OPA1: variants seen among roughly 807,000 people sequenced by gnomAD.
The protein encoded by OPA1 is dynamin-like GTPase OPA1, mitochondrial.
OPA1 carries 59 observed loss-of-function variants against 152.9 expected under a neutral mutation model. The ratio of observed to expected loss-of-function variants is 0.39; its 90% CI spans 0.31 to 0.48. The LOEUF is 0.48. Ranked by LOEUF, OPA1 falls within the 20% of genes least tolerant of loss-of-function variation. The probability of loss-of-function intolerance (pLI) is 0.96; values close to 1 mark genes in which losing one functional copy is unlikely to be tolerated. For missense variants in OPA1, 1,008 were observed against 1,216.8 expected, an observed-to-expected ratio of 0.83 and a Z score of 2.55; for synonymous variants, 400 against 389.9, an observed-to-expected ratio of 1.03 and a Z score of -0.31.
chr3:193,594,426 C>T (rs1725177567), intron 1 of OPA1, among the ~76,000 whole-genome samples: 1 of 152,316 alleles, frequency 6.6e-6, no homozygotes, highest in South Asian at 2.1e-4. Flanking sequence ...CTTGCTCTGT[C>T]GTCCAGGCTG....
intron 29 of OPA1, 112 bp from the exon 30 acceptor site, chr3:193,691,950 AT>A: frequency 3.0e-6 from 2 of 662,012 alleles, no homozygotes; most frequent in South Asian, 3.6e-5. Context: ...TGAGACTCAT[AT>A]TTTTCTTTTT....
intron 29 of OPA1, among the ~76,000 whole-genome samples, chr3:193,676,809 T>C (rs1164703413): frequency 2.0e-5 from 3 of 151,934 alleles, no homozygotes; most frequent in Non-Finnish European, 2.9e-5. Flanking sequence ...TGAAACCCCG[T>C]CTCTACTAAA....
intron 25 of OPA1, among the ~76,000 whole-genome samples, chr3:193,661,403 C>T (rs1715230758): frequency 6.6e-6 from 1 of 152,108 alleles, no homozygotes; most frequent in Non-Finnish European, 1.5e-5. Flanking sequence ...TTGAGTCAAG[C>T]TCTCCTTCTC....
chr3:193,688,444 C>CTTTTTTTTTTTTTTTTTT (rs1560079327), intron 29 of OPA1, among the ~76,000 whole-genome samples: 1 of 38,520 alleles, frequency 2.6e-5, no homozygotes, highest in Admixed American at 3.6e-4. Context: ...TGAAATGGGT[C>CTTTTTTTTTTTTTTTTTT]TTTTCTTTTT....
At chr3:193,604,243 C>G (rs1475551021) in intron 1 of OPA1, among the ~76,000 whole-genome samples, 1 of 152,092 alleles carries the variant, frequency 6.6e-6, no homozygotes, top group Non-Finnish European at 1.5e-5. Flanking sequence ...CATGAACAAA[C>G]AAAGTGAAAG....
At chr3:193,621,982 A>T (rs1730168456) in intron 6 of OPA1, among the ~76,000 whole-genome samples, 1 of 152,122 alleles carries the variant, frequency 6.6e-6, no homozygotes, top group African/African-American at 2.4e-5. Flanking sequence ...AGTGAAATTG[A>T]TTTGCAAAAT....
intron 14 of OPA1, 26 bp downstream of exon 14, chr3:193,643,470 T>G: frequency 6.2e-7 from 1 of 1,606,806 alleles, no homozygotes; most frequent in Non-Finnish European, 8.5e-7. Context: ...ACATGTATTT[T>G]ATTTTATTCT....
At chr3:193,648,653 G>A in intron 20 of OPA1, 142 bp from the exon 21 acceptor site, 1 of 622,760 alleles carries the variant, frequency 1.6e-6, no homozygotes, top group Non-Finnish European at 3.0e-6. Flanking sequence ...AAAAACACTA[G>A]AAGTGCATTT....
intron 29 of OPA1, chr3:193,668,296 A>G (rs762305463): frequency 2.3e-5 from 35 of 1,530,582 alleles, no homozygotes; most frequent in Middle Eastern, 1.7e-4. Flanking sequence ...GAATGAAGAT[A>G]TGTCCTTTTC....
At chr3:193,646,558 T>C (rs1419826731) in intron 18 of OPA1, 1 of 152,536 alleles carries the variant, frequency 6.6e-6, no homozygotes, top group African/African-American at 2.4e-5. Context: ...GCCAGGAGTT[T>C]GAGACCAGCC....
rs777215846 is a variant in OPA1, at chr3:193,657,264, CAT to C, written c.2331+35_2331+36del. ...TGTTTGTATACTGGGGTATCAGCCT[CAT>C]ATTTTTATATAACTTCTCAAATTGA... On this transcript the variant is annotated intron_variant, in intron 23 of 30. Transcript: ENST00000361510. The C allele has an allele frequency of 1.9e-5, 31 of 1,606,758 alleles. No individual in the cohort carries two copies. The South Asian group carries it at 3.0e-4, about 15-fold the overall frequency.
At chr3:193,679,609 A>AT (rs1485077056) in intron 29 of OPA1, among the ~76,000 whole-genome samples, 1 of 152,106 alleles carries the variant, frequency 6.6e-6, no homozygotes, top group Non-Finnish European at 1.5e-5. Context: ...TTTTTAAAGA[A>AT]TTGTTTAGGT....
At chr3:193,651,801 A>G (rs1252734200) in intron 21 of OPA1, among the ~76,000 whole-genome samples, 1 of 152,140 alleles carries the variant, frequency 6.6e-6, no homozygotes, top group Non-Finnish European at 1.5e-5. Flanking sequence ...TAATAATAAA[A>G]CCATAAATAG....
In OPA1 at chr3:193,645,563, T is replaced by C. The variant is rs1734452162; in HGVS notation, c.1619T>C (p.Ile540Thr). Residue 540 changes from isoleucine to threonine, a missense_variant, in exon 17 of 31, where the codon ATA becomes ACA. Ile to Thr is a moderately conservative substitution (Grantham distance 89). Coordinates refer to ENST00000361510, the MANE Select transcript of OPA1 (RefSeq NM_130837.3). ...NVASPSRIQQ[I>T]IEGKLFPMKA... ...CACTTTTAAAAATAGATTCAGCAGA[T>C]AATTGAAGGAAAGCTCTTCCCAATG... 6.2e-7 allele frequency: 1 copy of C among 1,612,088 alleles called. No homozygotes were observed. The highest frequency in any genetic ancestry group is 1.1e-5 in the South Asian group (1 of 90,988).
At chr3:193,669,852 T>G (rs1379107517) in intron 29 of OPA1, among the ~76,000 whole-genome samples, 1 of 152,222 alleles carries the variant, frequency 6.6e-6, no homozygotes, top group Non-Finnish European at 1.5e-5. Context: ...ATGTACACTG[T>G]CAAGCCAAGT....
In OPA1 at chr3:193,696,173, A is replaced by G. The variant is rs1722235285; in HGVS notation, c.*1573A>G. ...TACAGGTTAATGCATGTTAATGAAT[A>G]TTTTTGCAGTTGTAAAGCATAACAA... is the stretch of plus-strand genomic sequence containing the variant. On this transcript the variant is annotated 3_prime_UTR_variant, in exon 31 of 31. Transcript: ENST00000361510. 6.6e-6 allele frequency: 1 copy of G among 152,220 alleles called. No homozygotes were observed. Among genetic ancestry groups the G allele is most frequent in the African/African-American group, 2.4e-5 (1 of 41,470 alleles). The allele number at this position is 152,220 out of a possible 1,614,324, so 9.4% of individuals were successfully genotyped here. A position where few individuals can be genotyped will look rare whatever the true frequency, so the allele number is the denominator to read the frequency against.
intron 7 of OPA1, among the ~76,000 whole-genome samples, chr3:193,626,608 A>T (rs1329011134): frequency 6.6e-6 from 1 of 152,226 alleles, no homozygotes. Flanking sequence ...ACTAAAGAAT[A>T]ACATTTATTT....
At chr3:193,595,142 T>C (rs1725301233) in intron 1 of OPA1, among the ~76,000 whole-genome samples, 1 of 152,186 alleles carries the variant, frequency 6.6e-6, no homozygotes, top group African/African-American at 2.4e-5. Flanking sequence ...GAAGTAGAGA[T>C]GTGGGAAGCC....
chr3:193,676,494 A>C (rs886582845), intron 29 of OPA1, among the ~76,000 whole-genome samples: 1 of 152,226 alleles, frequency 6.6e-6, no homozygotes, highest in Admixed American at 6.5e-5. Context: ...AAACAAAAAA[A>C]CCTGAGTTGA....
Sources: gnomAD v4.1 joint callset for allele counts (sites outside exome capture counted in the v4.1 genomes callset) on GRCh38, gnomAD v4.1.1 for gene constraint, MANE v1.5 for transcripts, NCBI Gene and HGNC (gene_info 2026-07-23, HGNC 2026-07-21) for gene names.